The following PDLIM3 variants were observed in gnomAD, a reference collection of about 807,000 sequenced individuals.
The protein encoded by PDLIM3 is PDZ and LIM domain 3.
PDLIM3 carries 36 observed loss-of-function variants against 37.3 expected under a neutral mutation model. The ratio of observed to expected loss-of-function variants is 0.97; its 90% CI spans 0.74 to 1.28. The LOEUF (loss-of-function observed/expected upper bound fraction) is 1.28, where lower values mean the gene tolerates loss of function less well. Among genes scored for constraint, PDLIM3 ranks in the 50% most tolerant of loss-of-function variants. PDLIM3 has a pLI of 0.00. For missense variants in PDLIM3, 454 were observed against 485.0 expected (o/e 0.94, Z 0.60); for synonymous variants, 174 against 182.4 (o/e 0.95, Z 0.37).
intron 3 of PDLIM3, 188 bp downstream of exon 3, chr4:185,523,174 T>C (rs1286686438): frequency 1.6e-5 from 9 of 567,886 alleles, no homozygotes; most frequent in Non-Finnish European, 2.5e-5. Flanking sequence ...GATGTTCACA[T>C]AGGAACACTT....
intron 4 of PDLIM3, chr4:185,513,960 C>T (rs911049193): frequency 8.0e-7 from 1 of 1,248,160 alleles, no homozygotes; most frequent in African/African-American, 1.5e-5. Context: ...GATAGACATA[C>T]TGACTGCCCG....
At position 185,514,554 on chromosome 4, in the gene PDLIM3, A is replaced by G; in HGVS notation, c.331-217T>C. On this transcript the variant is annotated intron_variant, in intron 3 of 7. Coordinates refer to ENST00000284767, the MANE Select transcript of PDLIM3 (RefSeq NM_014476.6). This position sits in a 1 kb window ranked among gnomAD's most constrained non-coding sequence, Gnocchi z 4.0. ...GATTGGACCCCACAACAATTAGAACATGTTTTAGATGCTTGTCTTTAAAAG... is the reference window on the plus strand; with the variant it reads ...GATTGGACCCCACAACAATTAGAACGTGTTTTAGATGCTTGTCTTTAAAAG... 8.3e-7 allele frequency: 1 copy of G among 1,209,884 alleles called. No homozygotes were observed. The highest frequency in any genetic ancestry group is 1.2e-6 in the Non-Finnish European group (1 of 867,850). The allele number at this position is 1,209,884 out of a possible 1,614,324, so 74.9% of individuals were successfully genotyped here. A position where few individuals can be genotyped will look rare whatever the true frequency, so the allele number is the denominator to read the frequency against.
intron 4 of PDLIM3, chr4:185,512,941 G>C (rs3792697): frequency 0.36 from 359,279 of 984,738 alleles, 68,054 homozygotes; most frequent in South Asian, 0.5. Flanking sequence ...AGGACACAGA[G>C]CTGCCAGCAT....
intron 4 of PDLIM3, chr4:185,513,556 C>T: frequency 1.0e-6 from 1 of 984,624 alleles, no homozygotes; most frequent in Non-Finnish European, 1.2e-6. Context: ...ATAAAACATG[C>T]CTGTGAAATA....
intron 4 of PDLIM3, among the ~76,000 whole-genome samples, chr4:185,509,798 A>T (rs566390758): frequency 3.3e-5 from 5 of 152,200 alleles, no homozygotes; most frequent in Non-Finnish European, 7.4e-5. Context: ...AGAGGTATTA[A>T]TGCTAACTTC....
At chr4:185,513,969 C>A in intron 4 of PDLIM3, 1 of 1,259,300 alleles carries the variant, frequency 7.9e-7, no homozygotes, top group Non-Finnish European at 1.0e-6. Context: ...ACTGACTGCC[C>A]GACTCAAAGG....
intron 7 of PDLIM3, among the ~76,000 whole-genome samples, chr4:185,503,245 C>CAAT (rs149810858): frequency 6.7e-6 from 1 of 150,332 alleles, no homozygotes; most frequent in African/African-American, 2.4e-5. Flanking sequence ...ACAATAACAA[C>CAAT]AAAAACAAAA....
At chr4:185,534,194 T>G (rs916867168) in intron 1 of PDLIM3, among the ~76,000 whole-genome samples, 2 of 152,226 alleles carry the variant, frequency 1.3e-5, no homozygotes, top group Non-Finnish European at 2.9e-5. Flanking sequence ...TTTTGACATA[T>G]TTTTAAAAGG....
At position 185,520,446 on chromosome 4, in the gene PDLIM3, AC is replaced by A. The variant is rs990694926; in HGVS notation, c.330+2915del. ...CCTAATCTCAACCTTTAAAAAAAAA[AC>A]AATTTAATCTCCTTTTTCTCATTTG... On this transcript the variant is annotated intron_variant, in intron 3 of 7. Transcript: ENST00000284767. Among the ~76,000 whole-genome samples, 12 of 152,092 alleles carry A rather than the reference AC, an allele frequency of 7.9e-5. 1 individual carries two copies. Among genetic ancestry groups the A allele is most frequent in the African/African-American group, 1.2e-4 (5 of 41,394 alleles).
Position 185,514,084 on chromosome 4 carries a change from C to T in PDLIM3, c.398+186G>A. 5 of 1,489,216 alleles carry T rather than the reference C, an allele frequency of 3.4e-6. No individual in the cohort carries two copies. The highest frequency in any genetic ancestry group is 4.4e-6 in the Non-Finnish European group (5 of 1,123,886). 92.3% of individuals were successfully genotyped at this position (1,489,216 alleles called of 1,614,324 possible). ...AGCTCTGTCATCTTGTCAATATTTACTCTTGGAAATGCAAGTTATTTGGCT... is the reference window on the plus strand; with the variant it reads ...AGCTCTGTCATCTTGTCAATATTTATTCTTGGAAATGCAAGTTATTTGGCT... On this transcript the variant is annotated intron_variant, in intron 4 of 7. Coordinates refer to ENST00000284767, the MANE Select transcript of PDLIM3 (RefSeq NM_014476.6). This position sits in a 1 kb window ranked among gnomAD's most constrained non-coding sequence, Gnocchi z 4.0.
At chr4:185,528,944 C>T (rs1159023786) in intron 1 of PDLIM3, among the ~76,000 whole-genome samples, 4 of 152,174 alleles carry the variant, frequency 2.6e-5, no homozygotes. Context: ...TATATTCTTT[C>T]CTTATTATAT....
chr4:185,532,366 G>T (rs2095746071), intron 1 of PDLIM3, among the ~76,000 whole-genome samples: 1 of 152,224 alleles, frequency 6.6e-6, no homozygotes, highest in Admixed American at 6.5e-5. Flanking sequence ...TACAGATGCA[G>T]TGGAACATCT....
intron 4 of PDLIM3, chr4:185,513,650 C>T (rs945123326): frequency 2.0e-6 from 2 of 989,534 alleles, no homozygotes; most frequent in Non-Finnish European, 2.4e-6. Flanking sequence ...GTCTAACCAC[C>T]AGCTTCCTTC....
At chr4:185,533,925 A>G (rs1050480977) in intron 1 of PDLIM3, among the ~76,000 whole-genome samples, 1 of 152,228 alleles carries the variant, frequency 6.6e-6, no homozygotes, top group African/African-American at 2.4e-5. Flanking sequence ...ATTCAATTTA[A>G]ATAAAAACCA....
chr4:185,532,439 G>T (rs983752425), intron 1 of PDLIM3, among the ~76,000 whole-genome samples: 4 of 152,218 alleles, frequency 2.6e-5, no homozygotes, highest in African/African-American at 9.6e-5. Flanking sequence ...AACCGGATGA[G>T]ATGGTTGTTA....
Position 185,501,340 on chromosome 4 carries a change from C to A in PDLIM3, c.*954G>T, listed in dbSNP as rs2095686819. On this transcript the variant is annotated 3_prime_UTR_variant, in exon 8 of 8. Coordinates refer to ENST00000284767, the MANE Select transcript of PDLIM3 (RefSeq NM_014476.6). ...GGATACAAGCAGGACCCCAGGAGAC[C>A]AGCAGCCCCTGCCTTCCTTAGGAAG... 2 of 152,294 alleles carry A rather than the reference C, an allele frequency of 1.3e-5. No homozygotes were observed. The highest frequency in any genetic ancestry group is 1.3e-4 in the Admixed American group (2 of 15,276). The allele number at this position is 152,294 out of a possible 1,614,324, so 9.4% of individuals were successfully genotyped here. A position where few individuals can be genotyped will look rare whatever the true frequency, so the allele number is the denominator to read the frequency against.
chr4:185,502,399 C>G lies in PDLIM3; in HGVS notation c.990G>C (p.Lys330Asn). ...CADCNLNLKQ[K>N]GYFFIEGELY... The stretch of plus-strand genomic sequence containing the variant: ...GCTCCCCTTCTATGAAGAAGTAGCC[C>G]TTTTGCTTGAGGTTGAGGTTGCAGT... Residue 330 changes from lysine to asparagine, a missense_variant, in exon 8 of 8, where the codon AAG becomes AAC. By Grantham distance (94) the Lys-to-Asn change is moderately conservative. Coordinates refer to ENST00000284767, the MANE Select transcript of PDLIM3 (RefSeq NM_014476.6). 1 of 1,614,232 alleles carries G rather than the reference C, an allele frequency of 6.2e-7. No individual in the cohort carries two copies. The highest frequency in any genetic ancestry group is 8.5e-7 in the Non-Finnish European group (1 of 1,180,040).
chr4:185,510,867 T>A (rs1367401494), intron 4 of PDLIM3, among the ~76,000 whole-genome samples: 1 of 152,254 alleles, frequency 6.6e-6, no homozygotes, highest in Non-Finnish European at 1.5e-5. Flanking sequence ...TTTAAAAAGA[T>A]CTTTTAAACT....
intron 1 of PDLIM3, among the ~76,000 whole-genome samples, chr4:185,527,159 C>G (rs1370319749): frequency 6.6e-6 from 1 of 152,176 alleles, no homozygotes; most frequent in Non-Finnish European, 1.5e-5. Context: ...TCCCTATATA[C>G]CCAAAGATTA....
Sources: allele counts gnomAD v4.1 joint callset (sites outside exome capture counted in the v4.1 genomes callset), GRCh38; gene constraint gnomAD v4.1.1; non-coding constraint Gnocchi (gnomAD v3.1); transcripts MANE v1.5; gene names NCBI Gene and HGNC (gene_info 2026-07-23, HGNC 2026-07-21).